Variants in CPNE4 observed in about 807,000 individuals in gnomAD.
CPNE4 encodes copine 4, also known as copine-4.
Under a neutral mutation model 67.9 loss-of-function variants are expected in CPNE4, and 25 were observed. The observed-to-expected ratio is 0.37, with a 90% CI of 0.27 to 0.51. The LOEUF is 0.51. Among genes scored for constraint, CPNE4 ranks in the 20% least tolerant of loss-of-function variants. CPNE4 has a pLI of 0.93. For synonymous variants in CPNE4, 242 were observed against 244.9 expected, an observed-to-expected ratio of 0.99 and a Z score of 0.11; for missense variants, 464 against 690.8, an observed-to-expected ratio of 0.67 and a Z score of 3.68.
intron 2 of CPNE4, among the ~76,000 whole-genome samples, chr3:131,735,599 T>C (rs1165468802): frequency 1.3e-5 from 2 of 152,218 alleles, no homozygotes; most frequent in African/African-American, 2.4e-5. Flanking sequence ...TGTCATGAAA[T>C]ACATATATTA....
At chr3:131,878,137 T>G (rs79138462) in intron 2 of CPNE4, among the ~76,000 whole-genome samples, 2,937 of 152,274 alleles carry the variant, frequency 0.019, 56 homozygotes, top group South Asian at 0.091. Context: ...CCAAAAGAAA[T>G]GTATCCATAT....
At chr3:131,636,264 C>T (rs2079382508) in intron 7 of CPNE4, among the ~76,000 whole-genome samples, 1 of 152,074 alleles carries the variant, frequency 6.6e-6, no homozygotes, top group African/African-American at 2.4e-5. Flanking sequence ...TCACTGACTG[C>T]CTGAAAATAG....
intron 2 of CPNE4, among the ~76,000 whole-genome samples, chr3:131,828,514 C>T (rs1193763034): frequency 6.6e-6 from 1 of 152,100 alleles, no homozygotes; most frequent in Admixed American, 6.6e-5. Context: ...GAATATACCA[C>T]CATTTGTCCA....
chr3:131,996,977 T>C (rs1174613521), intron 1 of CPNE4, among the ~76,000 whole-genome samples: 1 of 151,994 alleles, frequency 6.6e-6, no homozygotes, highest in Non-Finnish European at 1.5e-5. Context: ...AACTCTTACA[T>C]GGAAATAATA....
intron 7 of CPNE4, among the ~76,000 whole-genome samples, chr3:131,639,033 T>G (rs1207588391): frequency 6.6e-6 from 1 of 152,080 alleles, no homozygotes; most frequent in East Asian, 1.9e-4. Context: ...GGAAAGTTCA[T>G]AGCATTAAAT....
At position 131,602,267 on chromosome 3, in the gene CPNE4, GCAA is replaced by G. The variant is rs556737018; in HGVS notation, c.682-14688_682-14686del. Among the ~76,000 whole-genome samples, 384 of 152,156 alleles carry G rather than the reference GCAA, an allele frequency of 2.5e-3. 2 individuals are homozygous for G. The highest frequency in any genetic ancestry group is 4.1e-3 in the Non-Finnish European group (276 of 67,984). On this transcript the variant is annotated intron_variant, in intron 7 of 15. Transcript: ENST00000429747. ...TCCCACTGTGTTCTTCAATTCAACA[GCAA>G]CAACAACAACAGAAAACCCATCCAT... is the stretch of plus-strand genomic sequence containing the variant.
At chr3:131,827,502 G>A (rs535246642) in intron 2 of CPNE4, among the ~76,000 whole-genome samples, 2 of 152,166 alleles carry the variant, frequency 1.3e-5, no homozygotes, top group African/African-American at 4.8e-5. Context: ...ATAGCTGCTA[G>A]CACAGCAAGA....
At chr3:131,790,312 GA>G (rs2083683564) in intron 2 of CPNE4, among the ~76,000 whole-genome samples, 1 of 152,008 alleles carries the variant, frequency 6.6e-6, no homozygotes, top group Admixed American at 6.6e-5. Flanking sequence ...AGAGTTTTAG[GA>G]ACACAGGGAC....
intron 6 of CPNE4, among the ~76,000 whole-genome samples, chr3:131,679,110 T>C (rs1487774808): frequency 6.6e-6 from 1 of 152,182 alleles, no homozygotes; most frequent in Non-Finnish European, 1.5e-5. Context: ...TCAAAACTCG[T>C]TATTGGTCTG....
At chr3:131,978,111 A>ATATATATAAAT (rs1456414071) in intron 1 of CPNE4, among the ~76,000 whole-genome samples, 1 of 58,344 alleles carries the variant, frequency 1.7e-5, no homozygotes, top group Non-Finnish European at 2.7e-5. Flanking sequence ...ATATATATAA[A>ATATATATAAAT]ATATATATAA....
chr3:131,924,013 CA>C (rs2070821428), intron 1 of CPNE4, among the ~76,000 whole-genome samples: 1 of 152,144 alleles, frequency 6.6e-6, no homozygotes, highest in Non-Finnish European at 1.5e-5. Flanking sequence ...CTTAATTCAA[CA>C]GAACAGGAGA....
chr3:131,739,057 G>A (rs2082303177), intron 2 of CPNE4, among the ~76,000 whole-genome samples: 2 of 152,004 alleles, frequency 1.3e-5, no homozygotes, highest in Non-Finnish European at 2.9e-5. Flanking sequence ...GTTTCGCCAT[G>A]TTGGCCAGGC....
chr3:131,767,003 C>T (rs1483038014), intron 2 of CPNE4, among the ~76,000 whole-genome samples: 1 of 152,064 alleles, frequency 6.6e-6, no homozygotes, highest in Non-Finnish European at 1.5e-5. Flanking sequence ...AAAACGAAAA[C>T]AGTTAGATTT....
chr3:131,991,760 A>G (rs934755763), intron 1 of CPNE4, among the ~76,000 whole-genome samples: 1 of 135,006 alleles, frequency 7.4e-6, no homozygotes, highest in Non-Finnish European at 1.7e-5. Flanking sequence ...ACAGGCCCAG[A>G]GGTCTAGGAG....
intron 7 of CPNE4, among the ~76,000 whole-genome samples, chr3:131,666,745 G>A (rs2080273286): frequency 1.3e-5 from 2 of 152,140 alleles, no homozygotes; most frequent in South Asian, 4.1e-4. Flanking sequence ...AACACAGAAT[G>A]TGAGAAATGC....
At chr3:131,748,376 A>T (rs543277067) in intron 2 of CPNE4, among the ~76,000 whole-genome samples, 1 of 152,062 alleles carries the variant, frequency 6.6e-6, no homozygotes, top group East Asian at 1.9e-4. Context: ...GAATTTTTGC[A>T]TCTATATCGT....
At chr3:131,943,731 C>T (rs754162061) in intron 1 of CPNE4, among the ~76,000 whole-genome samples, 7 of 152,184 alleles carry the variant, frequency 4.6e-5, no homozygotes, top group Middle Eastern at 3.4e-3. Flanking sequence ...CTAACATGAC[C>T]TCGTATCTCC....
At chr3:131,792,925 G>GTATCTATA (rs143458489) in intron 2 of CPNE4, among the ~76,000 whole-genome samples, 11 of 135,128 alleles carry the variant, frequency 8.1e-5, no homozygotes, top group South Asian at 2.4e-4. Flanking sequence ...GTGTGTGTGT[G>GTATCTATA]TATCTCCAAC....
At chr3:131,919,191 G>C (rs1034946700) in intron 1 of CPNE4, among the ~76,000 whole-genome samples, 1 of 152,170 alleles carries the variant, frequency 6.6e-6, no homozygotes, top group African/African-American at 2.4e-5. Context: ...AGCACTAAGT[G>C]AATAGTGAAG....
Sources: gnomAD v4.1 joint callset for allele counts (sites outside exome capture counted in the v4.1 genomes callset) on GRCh38, gnomAD v4.1.1 for gene constraint, MANE v1.5 for transcripts, NCBI Gene and HGNC (gene_info 2026-07-23, HGNC 2026-07-21) for gene names.